Variants in PJA2 observed in about 807,000 individuals in gnomAD.
The protein encoded by PJA2 is praja ring finger ubiquitin ligase 2.
A neutral mutation model predicts 69.3 loss-of-function variants in PJA2; 25 were observed. The observed-to-expected ratio is 0.36, with a 90% CI of 0.26 to 0.50. The LOEUF (loss-of-function observed/expected upper bound fraction) is 0.50, where lower values mean the gene tolerates loss of function less well. PJA2 is among the 20% of genes least tolerant of loss of function. The pLI is 0.96. For synonymous variants in PJA2, 308 were observed against 277.8 expected (o/e 1.11, Z -1.08); for missense variants, 809 against 830.2 (o/e 0.97, Z 0.31).
chr5:109,336,526 C>T lies in PJA2; in HGVS notation c.*705G>A, dbSNP rs1032431164. 6.6e-6 allele frequency: 1 copy of T among 151,980 alleles called. No homozygotes were observed. The highest frequency in any genetic ancestry group is 1.5e-5 in the Non-Finnish European group (1 of 68,002). 9.4% of individuals were successfully genotyped at this position (151,980 alleles called of 1,614,324 possible). ...ATCTAATTCAGCTCATTGTACCAAG[C>T]CCTGAGCACACTAGATTCTTTGTAT... On this transcript the variant is annotated 3_prime_UTR_variant, in exon 10 of 10. Transcript: ENST00000361189.
At chr5:109,340,456 G>A (rs1008753568) in intron 9 of PJA2, among the ~76,000 whole-genome samples, 4 of 151,798 alleles carry the variant, frequency 2.6e-5, no homozygotes, top group Non-Finnish European at 5.9e-5. Flanking sequence ...AGGGAAGAAA[G>A]GGAGTTGTAT....
chr5:109,403,918 A>G (rs1747621353), intron 1 of PJA2, among the ~76,000 whole-genome samples: 2 of 152,058 alleles, frequency 1.3e-5, no homozygotes, highest in Admixed American at 6.5e-5. Flanking sequence ...AAAATACAAA[A>G]AAGTTAGCCA....
At chr5:109,397,928 G>C (rs992684741) in intron 1 of PJA2, among the ~76,000 whole-genome samples, 3 of 152,036 alleles carry the variant, frequency 2.0e-5, no homozygotes, top group Non-Finnish European at 2.9e-5. Flanking sequence ...CTAATATCCA[G>C]AATCTACAAA....
At chr5:109,355,640 TAATTCAATAGAGAAAA>T (rs1284172308) in intron 7 of PJA2, among the ~76,000 whole-genome samples, 1 of 152,206 alleles carries the variant, frequency 6.6e-6, no homozygotes, top group Non-Finnish European at 1.5e-5. Flanking sequence ...CATACTTGTA[TAATTCAATAGAGAAAA>T]AAGTATATTT....
At chr5:109,388,172 C>T (rs1047708690) in intron 1 of PJA2, among the ~76,000 whole-genome samples, 1 of 152,138 alleles carries the variant, frequency 6.6e-6, no homozygotes, top group African/African-American at 2.4e-5. Flanking sequence ...CTGGAAGAAA[C>T]CAGCTGCCAC....
intron 7 of PJA2, among the ~76,000 whole-genome samples, chr5:109,350,941 G>A (rs1002766311): frequency 6.6e-6 from 1 of 152,114 alleles, no homozygotes; most frequent in African/African-American, 2.4e-5. Context: ...GAATGCACCT[G>A]CAGTATATCA....
chr5:109,371,096 C>A (rs1762667922), intron 4 of PJA2, among the ~76,000 whole-genome samples: 1 of 152,076 alleles, frequency 6.6e-6, no homozygotes, highest in African/African-American at 2.4e-5. Context: ...ACATGTTTAT[C>A]TTTAATTTTG....
intron 1 of PJA2, among the ~76,000 whole-genome samples, chr5:109,406,616 GT>G (rs1439476286): frequency 6.6e-6 from 1 of 152,110 alleles, no homozygotes; most frequent in Non-Finnish European, 1.5e-5. Context: ...CAGTTTGGCA[GT>G]TTCTTATAAA....
intron 5 of PJA2, among the ~76,000 whole-genome samples, chr5:109,365,367 C>A (rs1037847794): frequency 2.0e-5 from 3 of 152,088 alleles, no homozygotes; most frequent in African/African-American, 7.2e-5. Context: ...ATCTAAAAAA[C>A]AGATCTATAA....
intron 1 of PJA2, among the ~76,000 whole-genome samples, chr5:109,400,306 A>C (rs1747509955): frequency 1.3e-5 from 2 of 151,908 alleles, no homozygotes; most frequent in Non-Finnish European, 2.9e-5. Context: ...AAAAAAGAAA[A>C]AGATAAGTCA....
intron 4 of PJA2, among the ~76,000 whole-genome samples, chr5:109,372,748 A>G (rs1762692852): frequency 6.6e-6 from 1 of 151,760 alleles, no homozygotes; most frequent in Non-Finnish European, 1.5e-5. Context: ...TCTACTAAAA[A>G]TACAAAATTA....
At chr5:109,405,090 A>G (rs4957812) in intron 1 of PJA2, among the ~76,000 whole-genome samples, 6 of 152,248 alleles carry the variant, frequency 3.9e-5, no homozygotes, top group Admixed American at 2.6e-4. Flanking sequence ...GAATTTAGCA[A>G]GGTTGCAAGC....
chr5:109,396,867 A>C (rs1401236861), intron 1 of PJA2, among the ~76,000 whole-genome samples: 1 of 152,154 alleles, frequency 6.6e-6, no homozygotes, highest in Non-Finnish European at 1.5e-5. Flanking sequence ...CTAAAAGTCT[A>C]CTAAAGAAAG....
In PJA2 at chr5:109,336,961, G is replaced by A. The variant is rs1400521145; in HGVS notation, c.*270C>T. Reference sequence around the variant, plus strand: ...CACACAGATGATTATTTATTCTGGAGAGAGTCAACTGATAAGCTTGGCTTT... The same window carrying A: ...CACACAGATGATTATTTATTCTGGAAAGAGTCAACTGATAAGCTTGGCTTT... On this transcript the variant is annotated 3_prime_UTR_variant, in exon 10 of 10. Transcript: ENST00000361189. 2.6e-5 allele frequency: 5 copies of A among 195,608 alleles called. No homozygotes were observed. The highest frequency in any genetic ancestry group is 5.1e-5 in the Non-Finnish European group (5 of 98,336). 12.1% of individuals were successfully genotyped at this position (195,608 alleles called of 1,614,324 possible).
At chr5:109,356,315 T>C (rs980792689) in intron 6 of PJA2, among the ~76,000 whole-genome samples, 8 of 152,160 alleles carry the variant, frequency 5.3e-5, no homozygotes, top group Admixed American at 3.9e-4. Flanking sequence ...GCTCTAACTC[T>C]AGAGACTGCT....
chr5:109,339,750 CCTATATGTTTA>C (rs1561338154), intron 9 of PJA2, among the ~76,000 whole-genome samples: 1 of 152,170 alleles, frequency 6.6e-6, no homozygotes, highest in Non-Finnish European at 1.5e-5. Context: ...CATTACTTTT[CCTATATGTTTA>C]CTATGTGCCA....
At chr5:109,371,625 T>G (rs905308410) in intron 4 of PJA2, among the ~76,000 whole-genome samples, 5 of 152,212 alleles carry the variant, frequency 3.3e-5, no homozygotes, top group Non-Finnish European at 1.5e-5. Context: ...TCCCTCAAAA[T>G]GCATTCTGAA....
chr5:109,400,396 A>C (rs1056300349), intron 1 of PJA2, among the ~76,000 whole-genome samples: 1 of 149,212 alleles, frequency 6.7e-6, no homozygotes, highest in Non-Finnish European at 1.5e-5. Flanking sequence ...CAAAAACCAA[A>C]ACAGAGCCTC....
rs75679188 is a variant in PJA2 at position 109,394,039 on chromosome 5, CTTTTTTTTTTTTTTT to C, written c.-87-10534_-87-10520del. 2.9e-3 allele frequency among the ~76,000 whole-genome samples: 238 copies of C among 81,906 alleles called. 2 individuals carry two copies. The highest frequency in any genetic ancestry group is 6.9e-3 in the South Asian group (12 of 1,744). 53.7% of individuals were successfully genotyped at this position (81,906 alleles called of 152,430 possible). ...GATGTGCTAGTAACATTCTAATTCTCTTTTTTTTTTTTTTTTTTTTTTTTTGGAGACAGAGTCTTA... is the reference window on the plus strand; with the variant it reads ...GATGTGCTAGTAACATTCTAATTCTCTTTTTTTTTTGGAGACAGAGTCTTA... On this transcript the variant is annotated intron_variant, in intron 1 of 9. Transcript: ENST00000361189.
Sources: gnomAD v4.1 joint callset for allele counts (sites outside exome capture counted in the v4.1 genomes callset) on GRCh38, gnomAD v4.1.1 for gene constraint, MANE v1.5 for transcripts, NCBI Gene and HGNC (gene_info 2026-07-23, HGNC 2026-07-21) for gene names.